PTPRM: variants seen among roughly 807,000 people sequenced by gnomAD.
PTPRM encodes the protein protein tyrosine phosphatase receptor type M, also known as receptor-type tyrosine-protein phosphatase mu.
A neutral mutation model predicts 186.7 loss-of-function variants in PTPRM; 47 were observed. The observed-to-expected ratio is 0.25, with a 90% CI of 0.20 to 0.32. PTPRM has a LOEUF of 0.32. Ranked by LOEUF, PTPRM falls within the 10% of genes least tolerant of loss-of-function variation. The probability of loss-of-function intolerance (pLI) is 1.00; values close to 1 mark genes in which losing one functional copy is unlikely to be tolerated. For missense variants in PTPRM, 1,494 were observed against 1,865.0 expected, an observed-to-expected ratio of 0.80 and a Z score of 3.66; for synonymous variants, 668 against 674.9, an observed-to-expected ratio of 0.99 and a Z score of 0.16.
intron 7 of PTPRM, among the ~76,000 whole-genome samples, chr18:7,957,366 A>G (rs1195343049): frequency 2.6e-5 from 4 of 152,194 alleles, no homozygotes; most frequent in African/African-American, 9.7e-5. Context: ...TTAATAATAG[A>G]TTGACAGTTA....
intron 22 of PTPRM, among the ~76,000 whole-genome samples, chr18:8,337,707 C>T (rs2095447945): frequency 6.6e-6 from 1 of 152,176 alleles, no homozygotes; most frequent in African/African-American, 2.4e-5. Context: ...TTTTGGACTG[C>T]TCAGCTGAAA....
At chr18:7,663,078 G>A (rs116516107) in intron 1 of PTPRM, among the ~76,000 whole-genome samples, 4 of 152,104 alleles carry the variant, frequency 2.6e-5, no homozygotes, top group African/African-American at 4.8e-5. Flanking sequence ...GGGCCAGGAC[G>A]TGGACTCTGA....
chr18:8,087,574 A>T (rs1297388), intron 10 of PTPRM, among the ~76,000 whole-genome samples: 90,409 of 151,910 alleles, frequency 0.6, 27,123 homozygotes, highest in Non-Finnish European at 0.64. Context: ...AAGAATAAGT[A>T]TTTGATTTTT....
At chr18:8,404,690 G>C (rs1344693540) in intron 32 of PTPRM, 1 of 152,246 alleles carries the variant, frequency 6.6e-6, no homozygotes, top group Non-Finnish European at 1.5e-5. Context: ...TGGCTGTGAT[G>C]GGTAGAGACA....
At position 8,379,331 on chromosome 18, in the gene PTPRM, C is replaced by T. The variant is rs983286620; in HGVS notation, c.3777C>T (p.Ala1259=). The T allele has an allele frequency of 1.9e-6, 3 of 1,610,166 alleles. No homozygotes were observed. The African/African-American group carries it at 4.0e-5, about 22-fold the overall frequency. The change falls in exon 28 of 33, where the codon GCC becomes GCT. Residue 1259 remains alanine (A), a synonymous_variant. Transcript: ENST00000580170. ...DGESSNYINA[A]LMDSYKQPSA... ...AGAGCAGCAACTACATCAATGCTGC[C>T]CTCATGGACGTGAGTGCCCCGCTTC...
chr18:7,722,922 C>G (rs2040475940), intron 1 of PTPRM, among the ~76,000 whole-genome samples: 1 of 152,266 alleles, frequency 6.6e-6, no homozygotes, highest in Non-Finnish European at 1.5e-5. Flanking sequence ...ATTAGAATGG[C>G]ACTATGTAAC....
Position 8,116,295 on chromosome 18 carries a change from G to C in PTPRM, c.2167+1468G>C, listed in dbSNP as rs112378515. On this transcript the variant is annotated intron_variant, in intron 13 of 32. Coordinates refer to ENST00000580170, the MANE Select transcript of PTPRM (RefSeq NM_001105244.2). ...GGGCCCCTAGTTTATAATGCTTAAC[G>C]TTTAACGTCACAGCTGAAAGTTTTG... Among the ~76,000 whole-genome samples, 1,123 of 152,280 alleles carry C rather than the reference G, an allele frequency of 7.4e-3. 12 individuals are homozygous for C. The highest frequency in any genetic ancestry group is 0.026 in the African/African-American group (1,070 of 41,554).
At chr18:7,607,107 C>T (rs1277675785) in intron 1 of PTPRM, among the ~76,000 whole-genome samples, 2 of 151,900 alleles carry the variant, frequency 1.3e-5, no homozygotes, top group Admixed American at 6.6e-5. Flanking sequence ...AAGGAATTGC[C>T]GTTTATTTAG....
chr18:7,631,981 A>G (rs1485424804), intron 1 of PTPRM, among the ~76,000 whole-genome samples: 1 of 152,234 alleles, frequency 6.6e-6, no homozygotes, highest in African/African-American at 2.4e-5. Context: ...GGGTGCAGAT[A>G]TATAAAAATC....
intron 14 of PTPRM, among the ~76,000 whole-genome samples, chr18:8,200,890 A>AT (rs2093846354): frequency 6.6e-6 from 1 of 152,236 alleles, no homozygotes; most frequent in African/African-American, 2.4e-5. Context: ...ATTCCTTTAC[A>AT]TAACTGCAAT....
chr18:7,851,467 C>T (rs1005569339), intron 2 of PTPRM, among the ~76,000 whole-genome samples: 2 of 152,066 alleles, frequency 1.3e-5, no homozygotes, highest in Non-Finnish European at 2.9e-5. Flanking sequence ...AAAGACATTC[C>T]ACCTTCAAAG....
At chr18:8,393,667 C>T (rs973859343) in intron 31 of PTPRM, among the ~76,000 whole-genome samples, 5 of 152,242 alleles carry the variant, frequency 3.3e-5, no homozygotes, top group Admixed American at 3.3e-4. Flanking sequence ...GTTGGATATG[C>T]ATTCTCTATG....
At chr18:8,379,002 A>G (rs532526711) in intron 27 of PTPRM, among the ~76,000 whole-genome samples, 165 bp from the exon 28 acceptor site, 4 of 152,158 alleles carry the variant, frequency 2.6e-5, no homozygotes, top group Admixed American at 6.5e-5. Context: ...GACGAAATCC[A>G]AGGAGCAAAA....
intron 1 of PTPRM, among the ~76,000 whole-genome samples, chr18:7,742,351 A>G (rs1302411859): frequency 6.6e-6 from 1 of 152,194 alleles, no homozygotes; most frequent in Non-Finnish European, 1.5e-5. Context: ...TATGGTGACT[A>G]GGCTCCTGGG....
intron 13 of PTPRM, among the ~76,000 whole-genome samples, chr18:8,131,399 G>T (rs1233655065): frequency 6.6e-6 from 1 of 152,210 alleles, no homozygotes; most frequent in Non-Finnish European, 1.5e-5. Flanking sequence ...CAATGCTGGT[G>T]TTGGTGATGC....
rs1013638794 is a variant in PTPRM at position 7,966,557 on chromosome 18, A to T, written c.1132+11143A>T. ...CCATCTGAGGTACCGGGTTCATCTC[A>T]CTAGGGAGTGCCAGACAGTGGGCTC... On this transcript the variant is annotated intron_variant, in intron 7 of 32. Coordinates refer to ENST00000580170, the MANE Select transcript of PTPRM (RefSeq NM_001105244.2). Among the ~76,000 whole-genome samples the T allele has an allele frequency of 1.7e-4, 25 of 149,272 alleles. No homozygotes were observed. The East Asian group carries it at 2.6e-3, about 15-fold the overall frequency.
chr18:7,702,181 T>C (rs1451834766), intron 1 of PTPRM, among the ~76,000 whole-genome samples: 1 of 152,202 alleles, frequency 6.6e-6, no homozygotes, highest in Non-Finnish European at 1.5e-5. Flanking sequence ...AGTAGAATGA[T>C]TTATAATTCT....
rs2095710585 is a variant in PTPRM at position 8,378,522 on chromosome 18, A to G, written c.3612+108A>G. ...TGAATCACAAGGTTCCTTGGCCTCC[A>G]TAGCACTGTTCGTATTCAGGGCTGG... On this transcript the variant is annotated intron_variant, in intron 27 of 32. Coordinates refer to ENST00000580170, the MANE Select transcript of PTPRM (RefSeq NM_001105244.2). 1.7e-5 allele frequency: 23 copies of G among 1,371,974 alleles called. No homozygotes were observed. The South Asian group carries it at 2.4e-4, about 14-fold the overall frequency. 85.0% of individuals were successfully genotyped at this position (1,371,974 alleles called of 1,614,324 possible).
intron 1 of PTPRM, among the ~76,000 whole-genome samples, chr18:7,632,801 T>G (rs1289440761): frequency 2.0e-5 from 3 of 152,184 alleles, no homozygotes; most frequent in Non-Finnish European, 2.9e-5. Flanking sequence ...ACTGTAGGAA[T>G]TAGCATGCCT....
Sources: gnomAD v4.1 joint callset for allele counts (sites outside exome capture counted in the v4.1 genomes callset) on GRCh38, gnomAD v4.1.1 for gene constraint, MANE v1.5 for transcripts, NCBI Gene and HGNC (gene_info 2026-07-23, HGNC 2026-07-21) for gene names.